TMEFF2: variants seen among roughly 807,000 people sequenced by gnomAD.
The protein encoded by TMEFF2 is transmembrane protein with EGF like and two follistatin like domains 2, also known as tomoregulin-2.
TMEFF2 carries 28 observed loss-of-function variants against 53.8 expected under a neutral mutation model. The observed-to-expected ratio is 0.52, with a 90% CI of 0.39 to 0.71. The LOEUF (loss-of-function observed/expected upper bound fraction) is 0.71, where lower values mean the gene tolerates loss of function less well. Ranked by LOEUF, TMEFF2 falls within the 30% of genes least tolerant of loss-of-function variation. TMEFF2 has a pLI of 0.00. For missense variants in TMEFF2, 353 were observed against 455.2 expected (o/e 0.78, Z 2.04); for synonymous variants, 162 against 166.3 (o/e 0.97, Z 0.20).
In TMEFF2 at chr2:192,078,059, A is replaced by G. The variant is rs181556391; in HGVS notation, c.440-20284T>C. Among the ~76,000 whole-genome samples the G allele has an allele frequency of 1.8e-4, 28 of 152,244 alleles. No individual in the cohort carries two copies. In the East Asian group the frequency reaches 5.0e-3, roughly 27 times the overall value. ...AAAATTTTCAAATCTGACCAATTATAAACACTTAAGAAAAGGAAAGAATGC... is the reference window on the plus strand; with the variant it reads ...AAAATTTTCAAATCTGACCAATTATGAACACTTAAGAAAAGGAAAGAATGC... On this transcript the variant is annotated intron_variant, in intron 4 of 9. Transcript: ENST00000272771.
chr2:191,957,130 C>A (rs1692128554), intron 7 of TMEFF2, among the ~76,000 whole-genome samples: 1 of 152,174 alleles, frequency 6.6e-6, no homozygotes, highest in African/African-American at 2.4e-5. Flanking sequence ...CCTGCCATTA[C>A]AACATGTTCT....
intron 7 of TMEFF2, among the ~76,000 whole-genome samples, chr2:191,976,429 G>A (rs1685729536): frequency 6.6e-6 from 1 of 152,168 alleles, no homozygotes. Flanking sequence ...CCATTGAGAA[G>A]GAAGAAATGG....
chr2:191,961,043 C>T (rs6434519), intron 7 of TMEFF2, among the ~76,000 whole-genome samples: 115,527 of 151,822 alleles, frequency 0.76, 44,075 homozygotes, highest in East Asian at 0.94. Context: ...ATTTTTGATA[C>T]GCTAGGAGAA....
chr2:192,074,288 C>T (rs1376017037), intron 4 of TMEFF2, among the ~76,000 whole-genome samples: 4 of 151,862 alleles, frequency 2.6e-5, no homozygotes, highest in African/African-American at 7.2e-5. Context: ...TTTTAAATTA[C>T]AAATTACAAA....
chr2:192,063,030 T>C (rs926496822), intron 4 of TMEFF2, among the ~76,000 whole-genome samples: 1 of 151,854 alleles, frequency 6.6e-6, no homozygotes, highest in Non-Finnish European at 1.5e-5. Context: ...TATACAAGGC[T>C]ATTTCACTTT....
chr2:192,027,399 CAG>C (rs1162963205), intron 5 of TMEFF2, among the ~76,000 whole-genome samples: 2 of 152,102 alleles, frequency 1.3e-5, no homozygotes, highest in African/African-American at 4.8e-5. Context: ...GGATATATAT[CAG>C]AGAGGAGCGC....
chr2:192,034,914 C>T (rs1355774057), intron 5 of TMEFF2: 2 of 152,204 alleles, frequency 1.3e-5, no homozygotes, highest in East Asian at 3.8e-4. Flanking sequence ...CGTGAAGTTT[C>T]CAGTTCTATC....
chr2:192,013,787 A>T (rs1460844523), intron 5 of TMEFF2, among the ~76,000 whole-genome samples: 1 of 152,184 alleles, frequency 6.6e-6, no homozygotes, highest in African/African-American at 2.4e-5. Context: ...TTTCTTCACT[A>T]GAATGTACAC....
intron 5 of TMEFF2, among the ~76,000 whole-genome samples, chr2:192,042,372 A>G (rs1687506885): frequency 6.6e-6 from 1 of 152,166 alleles, no homozygotes. Flanking sequence ...CTTTTAATTT[A>G]TGAAAAATAC....
At chr2:192,186,654 C>T (rs868847043) in intron 2 of TMEFF2, among the ~76,000 whole-genome samples, 19 of 152,266 alleles carry the variant, frequency 1.2e-4, no homozygotes, top group South Asian at 6.2e-4. Context: ...GACTAGTTAA[C>T]ATCTCATGCT....
chr2:191,956,883 G>C (rs536042682), intron 7 of TMEFF2, among the ~76,000 whole-genome samples: 11 of 152,194 alleles, frequency 7.2e-5, no homozygotes, highest in African/African-American at 2.6e-4. Context: ...ATTCTTTCAG[G>C]CTTTTAAAAT....
At chr2:191,994,589 A>G (rs1686180060) in intron 7 of TMEFF2, among the ~76,000 whole-genome samples, 1 of 151,912 alleles carries the variant, frequency 6.6e-6, no homozygotes, top group Admixed American at 6.6e-5. Context: ...ACATATATAC[A>G]CATATATATG....
chr2:191,985,592 C>T (rs1009626349), intron 7 of TMEFF2, among the ~76,000 whole-genome samples: 2 of 152,168 alleles, frequency 1.3e-5, no homozygotes, highest in Non-Finnish European at 2.9e-5. Flanking sequence ...ACCAACTCCT[C>T]CTTCTTAGAT....
chr2:192,131,310 C>G (rs1689821160), intron 4 of TMEFF2, among the ~76,000 whole-genome samples: 1 of 151,384 alleles, frequency 6.6e-6, no homozygotes, highest in South Asian at 2.1e-4. Flanking sequence ...GACAAGTACC[C>G]CAACCCCTTC....
chr2:192,152,289 A>C (rs1690406033), intron 4 of TMEFF2, among the ~76,000 whole-genome samples: 1 of 151,978 alleles, frequency 6.6e-6, no homozygotes, highest in Non-Finnish European at 1.5e-5. Context: ...AATCAGTCAT[A>C]GGAACTCTTC....
rs76222823 is a variant in TMEFF2, at chr2:192,024,611, T to C, written c.537-25403A>G. 0.04 allele frequency among the ~76,000 whole-genome samples: 6,043 copies of C among 152,286 alleles called. 694 individuals are homozygous for C. The East Asian group carries it at 0.4, about 10-fold the overall frequency. ...TAATGGAGACACGTTTTAAAATATA[T>C]ACTCGCGGAGTACATATATGGTTGG... On this transcript the variant is annotated intron_variant, in intron 5 of 9. Coordinates refer to ENST00000272771, the MANE Select transcript of TMEFF2 (RefSeq NM_016192.4).
In TMEFF2 at chr2:192,099,265, A is replaced by C. The variant is rs149505557; in HGVS notation, c.440-41490T>G. Among the ~76,000 whole-genome samples, 222 of 152,302 alleles carry C rather than the reference A, an allele frequency of 1.5e-3. 4 individuals carry two copies. The highest frequency in any genetic ancestry group is 0.014 in the Admixed American group (208 of 15,288). On this transcript the variant is annotated intron_variant, in intron 4 of 9. Transcript: ENST00000272771. ...GAAACTCTGGGTAACTATTATAGGT[A>C]AATTTCATTCCTTAGTAACCAACAA...
At chr2:192,007,408 G>A (rs868346543) in intron 5 of TMEFF2, among the ~76,000 whole-genome samples, 1 of 152,174 alleles carries the variant, frequency 6.6e-6, no homozygotes, top group African/African-American at 2.4e-5. Context: ...TTTGTTTAAT[G>A]CTCATAAGAT....
At chr2:192,022,907 T>C (rs538652551) in intron 5 of TMEFF2, among the ~76,000 whole-genome samples, 48 of 152,216 alleles carry the variant, frequency 3.2e-4, no homozygotes, top group Non-Finnish European at 3.7e-4. Context: ...AATAAGCTTA[T>C]GAAGTAAGTA....
Sources: gnomAD v4.1 joint callset for allele counts (sites outside exome capture counted in the v4.1 genomes callset) on GRCh38, gnomAD v4.1.1 for gene constraint, MANE v1.5 for transcripts, NCBI Gene and HGNC (gene_info 2026-07-23, HGNC 2026-07-21) for gene names.